The following SYNPR variants were observed in gnomAD, a reference collection of about 807,000 sequenced individuals.
The protein encoded by SYNPR is synaptoporin.
In SYNPR, 23 loss-of-function variants were observed where a neutral mutation model predicts 32.9. The ratio of observed to expected loss-of-function variants is 0.70; its 90% CI spans 0.50 to 0.99. SYNPR has a LOEUF of 0.99. SYNPR is among the 50% of genes least tolerant of loss of function. The probability of loss-of-function intolerance (pLI) is 0.00; values close to 1 mark genes in which losing one functional copy is unlikely to be tolerated. For synonymous variants in SYNPR, 146 were observed against 135.9 expected (o/e 1.07, Z -0.52); for missense variants, 318 against 349.3 (o/e 0.91, Z 0.71).
intron 2 of SYNPR, among the ~76,000 whole-genome samples, chr3:63,375,828 C>G (rs1192900901): frequency 6.6e-6 from 1 of 152,114 alleles, no homozygotes; most frequent in Non-Finnish European, 1.5e-5. Flanking sequence ...TTTACTTGCC[C>G]TTTAAACTCC....
At chr3:63,450,539 A>T (rs1392628412) in intron 2 of SYNPR, among the ~76,000 whole-genome samples, 3 of 152,146 alleles carry the variant, frequency 2.0e-5, no homozygotes, top group Non-Finnish European at 4.4e-5. Flanking sequence ...TCTGGCTCAA[A>T]TCAGAAATGT....
At chr3:63,276,320 GGACATTGCTACAATCTACCCTGCCTCT>G (rs778564811), upstream of SYNPR, among the ~76,000 whole-genome samples, 1 of 152,162 alleles carries the variant, frequency 6.6e-6, no homozygotes, top group Non-Finnish European at 1.5e-5. Context: ...GAGGGCAGCA[GGACATTGCTACAATCTACCCTGCCTCT>G]GATATGGACC....
chr3:63,280,386 T>C (rs1575584577), intron 2 of SYNPR, among the ~76,000 whole-genome samples: 1 of 152,100 alleles, frequency 6.6e-6, no homozygotes, highest in Non-Finnish European at 1.5e-5. Context: ...GTAACTCTTA[T>C]CCATGTTATA....
chr3:63,521,303 A>T (rs1324377428), intron 3 of SYNPR, among the ~76,000 whole-genome samples: 2 of 152,218 alleles, frequency 1.3e-5, no homozygotes, highest in African/African-American at 4.8e-5. Flanking sequence ...AAGTGACCTC[A>T]GCAAGTGATC....
intron 3 of SYNPR, among the ~76,000 whole-genome samples, chr3:63,529,027 A>T (rs543730959): frequency 6.6e-6 from 1 of 152,338 alleles, no homozygotes; most frequent in East Asian, 1.9e-4. Context: ...TCCTCAGTCA[A>T]ACTGACCCCC....
At chr3:63,485,444 A>C (rs1701129036) in intron 3 of SYNPR, among the ~76,000 whole-genome samples, 1 of 152,190 alleles carries the variant, frequency 6.6e-6, no homozygotes, top group Non-Finnish European at 1.5e-5. Context: ...CAAAGAAAGA[A>C]AGGAGTGAAA....
chr3:63,240,562 G>A (rs1347571248), intron 1 of SYNPR, among the ~76,000 whole-genome samples: 2 of 152,066 alleles, frequency 1.3e-5, no homozygotes, highest in Non-Finnish European at 2.9e-5. Context: ...TCTGGAGGTG[G>A]GGGAGTAAGC....
intron 4 of SYNPR, among the ~76,000 whole-genome samples, chr3:63,577,950 A>T (rs115662222): frequency 0.016 from 2,452 of 152,272 alleles, 31 homozygotes; most frequent in Non-Finnish European, 0.024. Context: ...TTACGAGGTA[A>T]TGGCAACAGA....
chr3:63,426,574 A>G (rs1352208559), intron 2 of SYNPR: 1 of 152,156 alleles, frequency 6.6e-6, no homozygotes, highest in African/African-American at 2.4e-5. Flanking sequence ...CAATTCATGA[A>G]CATACTTCTC....
At chr3:63,498,383 A>G (rs918428980) in intron 3 of SYNPR, among the ~76,000 whole-genome samples, 18 of 152,212 alleles carry the variant, frequency 1.2e-4, no homozygotes, top group Middle Eastern at 3.4e-3. Flanking sequence ...GGGCCTTCTC[A>G]TGGAGCTTCA....
the SYNPR span, among the ~76,000 whole-genome samples, chr3:63,204,361 A>T: frequency 1.3e-5 from 2 of 151,912 alleles, no homozygotes; most frequent in Non-Finnish European, 2.9e-5. Flanking sequence ...CTCTCCCTAC[A>T]TCTTCATGTG....
At chr3:63,438,951 G>A (rs189896674) in intron 2 of SYNPR, among the ~76,000 whole-genome samples, 2 of 152,272 alleles carry the variant, frequency 1.3e-5, no homozygotes, top group Non-Finnish European at 2.9e-5. Context: ...TCTGGCTCTG[G>A]ATTTTCCTCT....
intron 2 of SYNPR, among the ~76,000 whole-genome samples, chr3:63,435,129 A>T (rs987484069): frequency 2.0e-5 from 3 of 152,252 alleles, no homozygotes; most frequent in Non-Finnish European, 2.9e-5. Context: ...AAACTTGCGC[A>T]CATTCGCAAG....
chr3:63,513,787 G>A (rs1306712039), intron 3 of SYNPR, among the ~76,000 whole-genome samples: 1 of 151,956 alleles, frequency 6.6e-6, no homozygotes, highest in Non-Finnish European at 1.5e-5. Context: ...AATGATGGAA[G>A]GAATGAGGAG....
chr3:63,313,252 G>A (rs1036541652), intron 2 of SYNPR, among the ~76,000 whole-genome samples: 1 of 151,750 alleles, frequency 6.6e-6, no homozygotes. Context: ...TGGGGTACGG[G>A]TGGTATCTGG....
At chr3:63,606,224 A>G (rs1700116940) in intron 4 of SYNPR, among the ~76,000 whole-genome samples, 1 of 152,086 alleles carries the variant, frequency 6.6e-6, no homozygotes, top group Non-Finnish European at 1.5e-5. Flanking sequence ...TTTAACTCAG[A>G]TAAGAGAAAC....
At chr3:63,218,926 A>C in the SYNPR span, among the ~76,000 whole-genome samples, 1 of 152,180 alleles carries the variant, frequency 6.6e-6, no homozygotes, top group Non-Finnish European at 1.5e-5. Context: ...CATTTTGCAA[A>C]TATTTATGGA....
intron 4 of SYNPR, among the ~76,000 whole-genome samples, chr3:63,581,299 T>G (rs1222552968): frequency 6.6e-6 from 1 of 152,054 alleles, no homozygotes; most frequent in African/African-American, 2.4e-5. Context: ...GGAAGGTTGG[T>G]GGAGGAGGGA....
intron 2 of SYNPR, among the ~76,000 whole-genome samples, chr3:63,351,029 G>A (rs141513501): frequency 1.3e-5 from 2 of 152,222 alleles, no homozygotes; most frequent in East Asian, 1.9e-4. Context: ...CAGACATTAT[G>A]CTTTCTTGCA....
Sources: allele counts gnomAD v4.1 joint callset (sites outside exome capture counted in the v4.1 genomes callset), GRCh38; gene constraint gnomAD v4.1.1; transcripts MANE v1.5; gene names NCBI Gene and HGNC (gene_info 2026-07-23, HGNC 2026-07-21).